The following DNAAF19 variants were observed in gnomAD, a reference collection of about 807,000 sequenced individuals.
DNAAF19 encodes dynein axonemal assembly factor 19.
chr17:44,899,945 G>C, the DNAAF19 span: 1 of 152,296 alleles, frequency 6.6e-6, no homozygotes, highest in Non-Finnish European at 1.5e-5. Flanking sequence ...CCTTCTTGGC[G>C]TTCAGATTCC....
chr17:44,901,392 C>G, the DNAAF19 span: 514 of 1,178,986 alleles, frequency 4.4e-4, no homozygotes, highest in Non-Finnish European at 5.7e-4. Flanking sequence ...AGTCAGCTAT[C>G]GCTGTTGTTA....
chr17:44,903,732 C>A, the DNAAF19 span: 14 of 1,451,370 alleles, frequency 9.6e-6, no homozygotes, highest in African/African-American at 1.9e-4. Context: ...ATCCTTTCCT[C>A]ATCTAGAGGC....
At chr17:44,901,776 A>G in the DNAAF19 span, 1 of 1,139,072 alleles carries the variant, frequency 8.8e-7, no homozygotes, top group African/African-American at 1.6e-5. Context: ...TTTATTTGTC[A>G]TGTTAAACCA....
At chr17:44,903,536 C>T in the DNAAF19 span, 2 of 1,322,756 alleles carry the variant, frequency 1.5e-6, no homozygotes, top group Non-Finnish European at 1.9e-6. Flanking sequence ...TCCTTTGACC[C>T]ATTCTTGGGT....
At chr17:44,902,224 G>T in the DNAAF19 span, 9 of 1,164,802 alleles carry the variant, frequency 7.7e-6, 1 homozygote, top group Admixed American at 3.7e-5. Context: ...AAATGAGGCC[G>T]CCAAGGACCA....
chr17:44,901,239 C>T, the DNAAF19 span: 3 of 1,392,424 alleles, frequency 2.2e-6, no homozygotes, highest in South Asian at 2.7e-5. Context: ...CCTGGCCCCA[C>T]CGTCTACTGT....
chr17:44,902,763 C>G, the DNAAF19 span: 2 of 1,597,278 alleles, frequency 1.3e-6, no homozygotes, highest in Non-Finnish European at 1.7e-6. Flanking sequence ...CTGGTGGGCT[C>G]CAGGAGGAGG....
chr17:44,904,314 A>G, the DNAAF19 span: 1 of 1,545,348 alleles, frequency 6.5e-7, no homozygotes, highest in African/African-American at 1.4e-5. Flanking sequence ...GCAGATGAAT[A>G]CTATGGGCAC....
chr17:44,901,013 C>T, the DNAAF19 span: 2 of 1,604,290 alleles, frequency 1.2e-6, no homozygotes, highest in African/African-American at 1.3e-5. Flanking sequence ...AAAGGAATGA[C>T]ATCATCAACT....
the DNAAF19 span, chr17:44,904,420 C>G: frequency 1.3e-6 from 2 of 1,542,240 alleles, no homozygotes; most frequent in African/African-American, 1.4e-5. Context: ...ACCTGCAGAG[C>G]CCAGACCTCT....
chr17:44,901,235 C>T, the DNAAF19 span: 1 of 1,420,454 alleles, frequency 7.0e-7, no homozygotes, highest in Non-Finnish European at 9.5e-7. Flanking sequence ...CAGTCCTGGC[C>T]CCACCGTCTA....
the DNAAF19 span, chr17:44,900,963 TG>T: frequency 6.4e-7 from 1 of 1,570,938 alleles, no homozygotes. Flanking sequence ...GACTGTCCAC[TG>T]ACATGTATTC....
At chr17:44,905,202 C>T in the DNAAF19 span, 21 of 729,302 alleles carry the variant, frequency 2.9e-5, no homozygotes, top group South Asian at 4.0e-4. Flanking sequence ...ACAGCCTGCT[C>T]CCCATTTTCA....
Sources: allele counts gnomAD v4.1 joint callset, GRCh38; gene constraint gnomAD v4.1.1; transcripts MANE v1.5; gene names NCBI Gene and HGNC (gene_info 2026-07-23, HGNC 2026-07-21).